Variants in PIEZO2 observed in about 807,000 individuals in gnomAD.
PIEZO2 encodes piezo-type mechanosensitive ion channel component 2.
PIEZO2 carries 172 observed loss-of-function variants against 337.3 expected under a neutral mutation model. That is an observed-to-expected ratio of 0.51 (90% CI 0.45 to 0.58). The LOEUF is 0.58. PIEZO2 is among the 20% of genes least tolerant of loss of function. The pLI, the probability that PIEZO2 is intolerant of heterozygous loss-of-function variation, is 0.00. For missense variants in PIEZO2, 3,028 were observed against 3,391.3 expected (o/e 0.89, Z 2.66); for synonymous variants, 1,251 against 1,228.5 (o/e 1.02, Z -0.38).
intron 1 of PIEZO2, among the ~76,000 whole-genome samples, chr18:11,117,848 A>T (rs2039931899): frequency 6.6e-6 from 1 of 152,228 alleles, no homozygotes; most frequent in Non-Finnish European, 1.5e-5. Flanking sequence ...TGCTTCCAAC[A>T]GACTGAATTC....
intron 3 of PIEZO2, among the ~76,000 whole-genome samples, chr18:10,946,432 A>G (rs1304691765): frequency 6.6e-6 from 1 of 152,086 alleles, no homozygotes; most frequent in Non-Finnish European, 1.5e-5. Context: ...TTCTACCCCC[A>G]CTCTGCAGCA....
rs1393971042 is a variant in PIEZO2, at chr18:10,682,557, C to G, written c.7498-265G>C. ...CCAACAGGACTTAAGCGGCCTTCTCCCTTCAAGACTGTGGGTGGGTTTTCC... is the reference window on the plus strand; with the variant it reads ...CCAACAGGACTTAAGCGGCCTTCTCGCTTCAAGACTGTGGGTGGGTTTTCC... On this transcript the variant is annotated intron_variant, in intron 49 of 55. Coordinates refer to ENST00000674853, the MANE Select transcript of PIEZO2 (RefSeq NM_001378183.1). The surrounding 1 kb of genome is among the most constrained non-coding windows in gnomAD (Gnocchi z 5.6). 2.0e-5 allele frequency among the ~76,000 whole-genome samples: 3 copies of G among 152,162 alleles called. No homozygotes were observed. Among genetic ancestry groups the G allele is most frequent in the African/African-American group, 7.2e-5 (3 of 41,434 alleles).
chr18:11,016,811 T>C lies in PIEZO2; in HGVS notation c.161-37151A>G, dbSNP rs910155140. Among the ~76,000 whole-genome samples the C allele has an allele frequency of 6.6e-6, 1 of 152,238 alleles. No individual in the cohort carries two copies. The highest frequency in any genetic ancestry group is 1.5e-5 in the Non-Finnish European group (1 of 68,044). On this transcript the variant is annotated intron_variant, in intron 2 of 55. Transcript: ENST00000674853. This position sits in a 1 kb window ranked among gnomAD's most constrained non-coding sequence, Gnocchi z 5.6. Reference sequence around the variant, plus strand: ...ATATATTTATTTAGATTTTTCTTCTTAATGCTCTTGTTGGAAAAACTCCAT... The same window carrying C: ...ATATATTTATTTAGATTTTTCTTCTCAATGCTCTTGTTGGAAAAACTCCAT...
chr18:10,944,445 G>A (rs1047404804), intron 3 of PIEZO2, among the ~76,000 whole-genome samples: 27 of 147,566 alleles, frequency 1.8e-4, no homozygotes, highest in African/African-American at 6.7e-4. Flanking sequence ...AATGGACACA[G>A]ATATATATAT....
intron 2 of PIEZO2, among the ~76,000 whole-genome samples, chr18:11,015,524 G>C (rs1298507849): frequency 6.6e-6 from 1 of 152,184 alleles, no homozygotes; most frequent in East Asian, 1.9e-4. Flanking sequence ...ACAAATTATG[G>C]AGATTAAATA....
At chr18:10,908,468 T>C (rs2030158708) in intron 4 of PIEZO2, 1 of 152,194 alleles carries the variant, frequency 6.6e-6, no homozygotes. Flanking sequence ...AAGATATAAT[T>C]GGAATTTCCC....
At chr18:10,768,958 C>T (rs1003449370) in intron 21 of PIEZO2, among the ~76,000 whole-genome samples, 1 of 152,190 alleles carries the variant, frequency 6.6e-6, no homozygotes. Context: ...CTCCCATCAC[C>T]ACACTGTCTG....
At chr18:10,913,755 G>T (rs1429891135) in intron 3 of PIEZO2, among the ~76,000 whole-genome samples, 2 of 152,046 alleles carry the variant, frequency 1.3e-5, no homozygotes, top group South Asian at 2.1e-4. Context: ...GTACTCCTGA[G>T]AATAAACATT....
At chr18:11,051,372 T>G (rs2037529096) in intron 2 of PIEZO2, among the ~76,000 whole-genome samples, 1 of 151,444 alleles carries the variant, frequency 6.6e-6, no homozygotes, top group East Asian at 1.9e-4. Flanking sequence ...TGTGTGTGGG[T>G]GTGGGTGTGG....
At chr18:10,985,583 C>T (rs1051717787) in intron 2 of PIEZO2, among the ~76,000 whole-genome samples, 9 of 152,030 alleles carry the variant, frequency 5.9e-5, no homozygotes, top group African/African-American at 2.2e-4. Context: ...GTTTTAATTA[C>T]TATAGCTTCG....
intron 3 of PIEZO2, among the ~76,000 whole-genome samples, chr18:10,949,893 C>T (rs1598736455): frequency 6.6e-6 from 1 of 152,188 alleles, no homozygotes; most frequent in Admixed American, 6.5e-5. Flanking sequence ...AAGGCAGCCT[C>T]CTCTGGCTCA....
At chr18:10,967,476 T>C (rs1261806032) in intron 3 of PIEZO2, among the ~76,000 whole-genome samples, 2 of 152,336 alleles carry the variant, frequency 1.3e-5, no homozygotes, top group South Asian at 2.1e-4. Context: ...AGGGGTGGGA[T>C]TGCTGGATCC....
chr18:10,804,114 C>A, intron 8 of PIEZO2, 120 bp from the exon 9 acceptor site: 1 of 1,197,642 alleles, frequency 8.3e-7, no homozygotes. Flanking sequence ...TGAATGTTTA[C>A]AATATACAGG....
At chr18:11,049,269 G>C (rs1465229110) in intron 2 of PIEZO2, among the ~76,000 whole-genome samples, 1 of 152,138 alleles carries the variant, frequency 6.6e-6, no homozygotes, top group Non-Finnish European at 1.5e-5. Context: ...CAACATTCGA[G>C]GAAGCAGGAA....
chr18:10,672,708 C>T lies in PIEZO2; in HGVS notation c.8327G>A (p.Gly2776Glu). The T allele has an allele frequency of 1.2e-6, 2 of 1,613,922 alleles. No homozygotes were observed. Among genetic ancestry groups the T allele is most frequent in the Non-Finnish European group, 8.5e-7 (1 of 1,179,944 alleles). Residue 2776 changes from glycine to glutamate, a missense_variant, in exon 55 of 56, where the codon GGG becomes GAG. Physicochemically the swap from Gly to Glu is moderately conservative, Grantham distance 98 (BLOSUM62 -2). Transcript: ENST00000674853. The surrounding 1 kb of genome is among the most constrained non-coding windows in gnomAD (Gnocchi z 4.7). ...TCCTTACCCATAGCCAGCCAGGAAC[C>T]CCAGACTTGGGGGACTGACTTTGTC... ...FNDKVSPPSL[G>E]FLAGYGIMGL...
intron 3 of PIEZO2, among the ~76,000 whole-genome samples, chr18:10,955,580 T>G (rs1223776275): frequency 6.6e-6 from 1 of 152,176 alleles, no homozygotes; most frequent in Non-Finnish European, 1.5e-5. Flanking sequence ...CTCCATGTTA[T>G]GAGGAAGATA....
At chr18:11,068,203 AGCCACC>A (rs2038215357) in intron 1 of PIEZO2, among the ~76,000 whole-genome samples, 1 of 152,206 alleles carries the variant, frequency 6.6e-6, no homozygotes, top group Non-Finnish European at 1.5e-5. Flanking sequence ...TACAGGTGTG[AGCCACC>A]GCACCCGGCA....
rs146392919 is a variant in PIEZO2 at position 11,044,001 on chromosome 18, G to A, written c.160+22126C>T. The stretch of plus-strand genomic sequence containing the variant: ...ATTTTTAAAAAGAATACCATTGTAA[G>A]TAAAAATGATCTTATCAGTATGTTA... On this transcript the variant is annotated intron_variant, in intron 2 of 55. Coordinates refer to ENST00000674853, the MANE Select transcript of PIEZO2 (RefSeq NM_001378183.1). Among the ~76,000 whole-genome samples, 488 of 152,040 alleles carry A rather than the reference G, an allele frequency of 3.2e-3. 1 individual carries two copies. Among genetic ancestry groups the A allele is most frequent in the African/African-American group, 0.011 (454 of 41,478 alleles).
rs2035234091 is a variant in PIEZO2 at position 10,699,304 on chromosome 18, C to T, written c.6442-127G>A. ...AGAAAAGCAAGATGATATGGTTTGG[C>T]TGTGTCCCCATATCTCATCTTGAAT... On this transcript the variant is annotated intron_variant, in intron 43 of 55. Transcript: ENST00000674853. The T allele has an allele frequency of 4.6e-6, 6 of 1,300,906 alleles. No homozygotes were observed. In the East Asian group the frequency reaches 1.5e-4, roughly 33 times the overall value. 80.6% of individuals were successfully genotyped at this position (1,300,906 alleles called of 1,614,324 possible).
Sources: gnomAD v4.1 joint callset for allele counts (sites outside exome capture counted in the v4.1 genomes callset) on GRCh38, gnomAD v4.1.1 for gene constraint, Gnocchi (gnomAD v3.1) non-coding constraint, MANE v1.5 for transcripts, NCBI Gene and HGNC (gene_info 2026-07-23, HGNC 2026-07-21) for gene names.